Variants in TRRAP observed in about 807,000 individuals in gnomAD.
TRRAP encodes the protein transformation/transcription domain-associated protein.
In TRRAP, 41 loss-of-function variants were observed where a neutral mutation model predicts 438.8. The ratio of observed to expected loss-of-function variants is 0.09; its 90% CI spans 0.07 to 0.12. TRRAP has a LOEUF of 0.12. Among genes scored for constraint, TRRAP ranks in the 10% least tolerant of loss-of-function variants. The probability of loss-of-function intolerance (pLI) is 1.00; values close to 1 mark genes in which losing one functional copy is unlikely to be tolerated. For synonymous variants in TRRAP, 1,994 were observed against 1,962.9 expected (o/e 1.02, Z -0.42); for missense variants, 3,122 against 5,055.1 (o/e 0.62, Z 11.60).
At chr7:98,941,350 G>A (rs965557715) in intron 30 of TRRAP, among the ~76,000 whole-genome samples, 9 of 152,116 alleles carry the variant, frequency 5.9e-5, no homozygotes, top group African/African-American at 1.4e-4. Flanking sequence ...TAGTTTTTGC[G>A]TTTTTAGTAG....
chr7:98,948,171 C>G lies in TRRAP; in HGVS notation c.4549-50C>G, dbSNP rs782230476. On this transcript the variant is annotated intron_variant, in intron 33 of 72. Coordinates refer to ENST00000456197, the MANE Select transcript of TRRAP (RefSeq NM_001375524.1). This position sits in a 1 kb window ranked among gnomAD's most constrained non-coding sequence, Gnocchi z 4.9. ...GGTCTGTAGTGACGTTGACCTCTGTCACTTGCAAAATTAATCGACCTGTTT... is the reference window on the plus strand; with the variant it reads ...GGTCTGTAGTGACGTTGACCTCTGTGACTTGCAAAATTAATCGACCTGTTT... 1 of 1,609,928 alleles carries G rather than the reference C, an allele frequency of 6.2e-7. No individual in the cohort carries two copies. Among genetic ancestry groups the G allele is most frequent in the Non-Finnish European group, 8.5e-7 (1 of 1,179,734 alleles).
Position 98,976,389 on chromosome 7 carries a change from G to C in TRRAP, c.7960-94G>C, listed in dbSNP as rs528788731. ...ATGAGGGAACCGCTGGCTGTCACTC[G>C]AGCGAATTAGGAAAGGTATTCTTGC... On this transcript the variant is annotated intron_variant, in intron 54 of 72. Transcript: ENST00000456197. The surrounding 1 kb of genome is among the most constrained non-coding windows in gnomAD (Gnocchi z 4.6). 2 of 1,568,628 alleles carry C rather than the reference G, an allele frequency of 1.3e-6. No individual in the cohort carries two copies. The highest frequency in any genetic ancestry group is 2.7e-5 in the African/African-American group (2 of 73,914).
chr7:98,990,713 A>G (rs1304570721), intron 64 of TRRAP, 94 bp downstream of exon 64: 4 of 1,389,296 alleles, frequency 2.9e-6, no homozygotes, highest in Non-Finnish European at 3.9e-6. Context: ...TTGAGTGTTC[A>G]AAGTATTAAA....
chr7:98,892,752 T>TAGTAGGTACC (rs1262601061), intron 5 of TRRAP, among the ~76,000 whole-genome samples: 16 of 152,200 alleles, frequency 1.1e-4, no homozygotes, highest in African/African-American at 3.9e-4. Context: ...TGGCCAGACA[T>TAGTAGGTACC]AGTAGGTACC....
In TRRAP at chr7:98,937,922, C is replaced by G. The variant is rs1002650474; in HGVS notation, c.4404+102C>G. On this transcript the variant is annotated intron_variant, in intron 30 of 72. Transcript: ENST00000456197. ...GGGCACAGTGGTTCACGCCTGTAAT[C>G]CCAGCACTTTGGGAGGCCGAGGTGG... 12 of 1,320,668 alleles carry G rather than the reference C, an allele frequency of 9.1e-6. No individual in the cohort carries two copies. The African/African-American group carries it at 1.5e-4, about 17-fold the overall frequency. The allele number at this position is 1,320,668 out of a possible 1,614,324, so 81.8% of individuals were successfully genotyped here. A position where few individuals can be genotyped will look rare whatever the true frequency, so the allele number is the denominator to read the frequency against.
intron 63 of TRRAP, among the ~76,000 whole-genome samples, chr7:98,989,194 C>T (rs1465398355): frequency 6.6e-6 from 1 of 152,244 alleles, no homozygotes; most frequent in Non-Finnish European, 1.5e-5. Context: ...GGCAAAGCCT[C>T]ACGTAGAGCC....
At chr7:98,942,111 T>C (rs1790822710) in intron 30 of TRRAP, among the ~76,000 whole-genome samples, 1 of 152,238 alleles carries the variant, frequency 6.6e-6, no homozygotes, top group Non-Finnish European at 1.5e-5. Context: ...CTGGTTTTGC[T>C]GGACACAGAG....
intron 27 of TRRAP, 108 bp from the exon 28 acceptor site, chr7:98,935,468 AGTT>A: frequency 1.2e-6 from 1 of 844,228 alleles, no homozygotes; most frequent in South Asian, 2.9e-5. Context: ...TTAGTTTGTC[AGTT>A]GTTAATTGTG....
chr7:98,995,487 G>A (rs1339521461), intron 67 of TRRAP, among the ~76,000 whole-genome samples: 1 of 152,048 alleles, frequency 6.6e-6, no homozygotes, highest in Non-Finnish European at 1.5e-5. Flanking sequence ...ATAGGGAGAT[G>A]TATTTTCAAT....
chr7:98,942,240 C>T (rs189426119), intron 30 of TRRAP, among the ~76,000 whole-genome samples: 15 of 152,276 alleles, frequency 9.9e-5, no homozygotes, highest in African/African-American at 3.1e-4. Flanking sequence ...GAATTGTGGC[C>T]CTATGGCACT....
In TRRAP at chr7:98,925,168, G is replaced by A. The variant is rs200246219; in HGVS notation, c.2880G>A (p.Arg960=). The part of the protein sequence containing the change: ...LKSANTEPYY[R]RQAWEVIKCF... Reference sequence around the variant, plus strand: ...GCGCCAACACTGAGCCCTACTACCGGAGGCAGGCGTGGGAAGTGATCAAAT... The same window carrying A: ...GCGCCAACACTGAGCCCTACTACCGAAGGCAGGCGTGGGAAGTGATCAAAT... Residue 960 remains arginine, a synonymous_variant, in exon 22 of 73, where the codon CGG becomes CGA. Transcript: ENST00000456197. 6 of 1,614,210 alleles carry A rather than the reference G, an allele frequency of 3.7e-6. No homozygotes were observed. In the East Asian group the frequency reaches 1.3e-4, roughly 36 times the overall value.
In TRRAP at chr7:98,908,914, C is replaced by T. The variant is rs200514461; in HGVS notation, c.1302C>T (p.Ser434=). ...TGGTGGACTGCATCCGTTCCAAGAG[C>T]GAGCAGGAGAGTGGCAATGGGAGAG... The part of the protein sequence containing the change: ...LNLVDCIRSK[S]EQESGNGRDV... Residue 434 remains serine, a synonymous_variant, in exon 14 of 73, where the codon AGC becomes AGT. Coordinates refer to ENST00000456197, the MANE Select transcript of TRRAP (RefSeq NM_001375524.1). This position sits in a 1 kb window ranked among gnomAD's most constrained non-coding sequence, Gnocchi z 4.1. The T allele has an allele frequency of 9.9e-6, 16 of 1,613,908 alleles. No homozygotes were observed. The highest frequency in any genetic ancestry group is 2.7e-5 in the African/African-American group (2 of 75,004).
At chr7:98,955,041 T>C (rs1463981300) in intron 40 of TRRAP, 57 bp from the exon 41 acceptor site, 2 of 1,543,834 alleles carry the variant, frequency 1.3e-6, no homozygotes, top group African/African-American at 2.7e-5. Context: ...GGGATTGTCT[T>C]CTTATTTCTT....
rs774337437 is a variant in TRRAP at position 99,011,249 on chromosome 7, C to G, written c.11136C>G (p.Ile3712Met). The G allele has an allele frequency of 1.2e-6, 2 of 1,614,208 alleles. No individual in the cohort carries two copies. The highest frequency in any genetic ancestry group is 2.2e-5 in the East Asian group (1 of 44,892). The change falls in exon 71 of 73, where the codon ATC (isoleucine) becomes ATG (methionine). Residue 3712 changes from isoleucine (I) to methionine (M), a missense_variant. Around this residue, in one of 24 missense-constraint regions of TRRAP, gnomAD observed 192 missense variants for 355.6 expected, o/e 0.54. Coordinates refer to ENST00000456197, the MANE Select transcript of TRRAP (RefSeq NM_001375524.1). This position sits in a 1 kb window ranked among gnomAD's most constrained non-coding sequence, Gnocchi z 7.1. ...GACTCAACCCCGAGATGTTACAGAT[C>G]GCTCAGGTAACCTGCTTTGAACAGC... ...LNRLNPEMLQIAQDTGKLNVA... is the reference protein window; with the variant it reads ...LNRLNPEMLQMAQDTGKLNVA...
At chr7:98,884,636 C>G (rs1264276539) in intron 3 of TRRAP, among the ~76,000 whole-genome samples, 1 of 152,168 alleles carries the variant, frequency 6.6e-6, no homozygotes, top group African/African-American at 2.4e-5. Flanking sequence ...GGAGACACTC[C>G]CCATTCCCTT....
chr7:98,897,133 G>A (rs1796248344), intron 7 of TRRAP, among the ~76,000 whole-genome samples: 1 of 152,192 alleles, frequency 6.6e-6, no homozygotes, highest in South Asian at 2.1e-4. Context: ...TACTTGGGAG[G>A]CTGAGGCGGG....
intron 31 of TRRAP, among the ~76,000 whole-genome samples, chr7:98,943,496 A>T (rs1244684726): frequency 1.3e-5 from 2 of 152,176 alleles, no homozygotes; most frequent in Non-Finnish European, 2.9e-5. Flanking sequence ...GTAAAAAGGA[A>T]TCCCATAAAT....
intron 12 of TRRAP, among the ~76,000 whole-genome samples, chr7:98,904,183 T>C (rs1796606959): frequency 6.6e-6 from 1 of 152,042 alleles, no homozygotes. Flanking sequence ...AGGATTCTTG[T>C]AGATCTGCTG....
intron 35 of TRRAP, 141 bp from the exon 36 acceptor site, chr7:98,949,276 G>T (rs11768515): frequency 1.9e-5 from 19 of 996,540 alleles, no homozygotes; most frequent in Admixed American, 3.8e-5. Flanking sequence ...AAAAGCATGC[G>T]TGTGGTGCTT....
Sources: allele counts gnomAD v4.1 joint callset (sites outside exome capture counted in the v4.1 genomes callset), GRCh38; gene constraint gnomAD v4.1.1; regional missense constraint gnomAD v4.1.1; non-coding constraint Gnocchi (gnomAD v3.1); transcripts MANE v1.5; gene names NCBI Gene and HGNC (gene_info 2026-07-23, HGNC 2026-07-21).